ASIC2: variants seen among roughly 807,000 people sequenced by gnomAD.
ASIC2 encodes acid sensing ion channel subunit 2.
ASIC2 carries 25 observed loss-of-function variants against 57.3 expected under a neutral mutation model. The observed-to-expected ratio is 0.44, with a 90% CI of 0.32 to 0.61. The LOEUF (loss-of-function observed/expected upper bound fraction) is 0.61, where lower values mean the gene tolerates loss of function less well. Ranked by LOEUF, ASIC2 falls within the 20% of genes least tolerant of loss-of-function variation. ASIC2 has a pLI of 0.06. For missense variants in ASIC2, 641 were observed against 738.1 expected (o/e 0.87, Z 1.52); for synonymous variants, 319 against 307.5 (o/e 1.04, Z -0.39).
intron 1 of ASIC2, among the ~76,000 whole-genome samples, chr17:33,703,982 C>A (rs570101800): frequency 6.6e-6 from 1 of 152,278 alleles, no homozygotes; most frequent in East Asian, 1.9e-4. Context: ...CTTTCCCACT[C>A]GCTTTTCTAT....
chr17:33,260,289 T>C (rs774151117), intron 1 of ASIC2, among the ~76,000 whole-genome samples: 1 of 152,072 alleles, frequency 6.6e-6, no homozygotes, highest in Non-Finnish European at 1.5e-5. Flanking sequence ...CTCCAAATGC[T>C]CTCCAACCAC....
chr17:33,486,525 G>T (rs1430990349), intron 1 of ASIC2, among the ~76,000 whole-genome samples: 2 of 152,172 alleles, frequency 1.3e-5, no homozygotes, highest in Non-Finnish European at 2.9e-5. Context: ...TTACGGCCCT[G>T]GCTCCAATGG....
chr17:33,392,273 T>C (rs1308485813), intron 1 of ASIC2, among the ~76,000 whole-genome samples: 1 of 151,234 alleles, frequency 6.6e-6, no homozygotes, highest in Admixed American at 6.6e-5. Flanking sequence ...TTTCTTTCTT[T>C]TTTTTTTGAC....
intron 1 of ASIC2, among the ~76,000 whole-genome samples, chr17:33,781,429 C>T (rs897974623): frequency 3.3e-5 from 5 of 152,212 alleles, no homozygotes; most frequent in East Asian, 1.9e-4. Flanking sequence ...CTGGGGACAG[C>T]GCAGGATGAT....
chr17:33,763,400 C>T (rs1214729255), intron 1 of ASIC2, among the ~76,000 whole-genome samples: 1 of 152,214 alleles, frequency 6.6e-6, no homozygotes, highest in Non-Finnish European at 1.5e-5. Flanking sequence ...CTAGCCCTGA[C>T]CTTCAGGTCT....
chr17:34,051,891 C>A (rs1002603955), intron 1 of ASIC2, among the ~76,000 whole-genome samples: 1 of 126,956 alleles, frequency 7.9e-6, no homozygotes, highest in South Asian at 2.5e-4. Flanking sequence ...AGCGAGAGAG[C>A]GAGAGAGTGA....
intron 1 of ASIC2, among the ~76,000 whole-genome samples, chr17:33,771,136 G>A (rs939132508): frequency 2.0e-5 from 3 of 152,164 alleles, no homozygotes; most frequent in Non-Finnish European, 4.4e-5. Context: ...TATGGCAATT[G>A]TGGGGTACAA....
At chr17:33,303,347 C>T (rs769581350) in intron 1 of ASIC2, among the ~76,000 whole-genome samples, 4 of 152,246 alleles carry the variant, frequency 2.6e-5, no homozygotes, top group African/African-American at 4.8e-5. Context: ...TATGTTTTTC[C>T]GAGCTTGGGT....
rs60673332 is a variant in ASIC2 at position 33,712,636 on chromosome 17, C to CTTTTT, written c.555+443337_555+443341dup. ...TTTGCTTCCAAGCTTACTCATATGGCTTTTTTTTTTTTTTTTTTTTTTTTT... is the reference window on the plus strand; with the variant it reads ...TTTGCTTCCAAGCTTACTCATATGGCTTTTTTTTTTTTTTTTTTTTTTTTTTTTTT... On this transcript the variant is annotated intron_variant, in intron 1 of 9. Coordinates refer to the ASIC2 transcript ENST00000359872. Among the ~76,000 whole-genome samples the CTTTTT allele has an allele frequency of 3.9e-4, 25 of 63,592 alleles. 2 individuals are homozygous for CTTTTT. The highest frequency in any genetic ancestry group is 1.2e-3 in the African/African-American group (21 of 17,290). The allele number at this position is 63,592 out of a possible 152,430, so 41.7% of individuals were successfully genotyped here. A position where few individuals can be genotyped will look rare whatever the true frequency, so the allele number is the denominator to read the frequency against.
intron 1 of ASIC2, among the ~76,000 whole-genome samples, chr17:33,226,175 T>C (rs1963225688): frequency 6.6e-6 from 1 of 152,132 alleles, no homozygotes; most frequent in South Asian, 2.1e-4. Context: ...ACAAACCCAA[T>C]TGGTTTGTTA....
rs375695905 is a variant in ASIC2, at chr17:33,827,337, C to CTTTTTT, written c.555+328635_555+328640dup. On this transcript the variant is annotated intron_variant, in intron 1 of 9. Coordinates refer to the ASIC2 transcript ENST00000359872. ...GGACTAGGTCCTGTTGCAGCTCACTCTTTTTTTTTTTTGAGACAGAGTCTT... is the reference window on the plus strand; with the variant it reads ...GGACTAGGTCCTGTTGCAGCTCACTCTTTTTTTTTTTTTTTTTTGAGACAGAGTCTT... Among the ~76,000 whole-genome samples the CTTTTTT allele has an allele frequency of 5.0e-4, 38 of 76,534 alleles. 9 individuals are homozygous for CTTTTTT. The highest frequency in any genetic ancestry group is 7.6e-4 in the South Asian group (2 of 2,630). 50.2% of individuals were successfully genotyped at this position (76,534 alleles called of 152,430 possible). A position where few individuals can be genotyped will look rare whatever the true frequency, so the allele number is the denominator to read the frequency against.
chr17:34,032,603 GT>G (rs1173773686), intron 1 of ASIC2, among the ~76,000 whole-genome samples: 2 of 152,150 alleles, frequency 1.3e-5, no homozygotes, highest in African/African-American at 4.8e-5. Context: ...TCAGTGTGCT[GT>G]ATTCAGGAAA....
chr17:33,530,247 G>A (rs1165168358), intron 1 of ASIC2: 1 of 152,212 alleles, frequency 6.6e-6, no homozygotes, highest in South Asian at 2.1e-4. Flanking sequence ...TATTCTGTGT[G>A]TTGGGTCAAT....
intron 1 of ASIC2, chr17:34,002,241 G>A (rs1435947764): frequency 6.6e-6 from 1 of 152,160 alleles, no homozygotes; most frequent in Non-Finnish European, 1.5e-5. Context: ...GCCAACAGAG[G>A]GAACTATAAG....
chr17:34,140,712 C>T (rs1196542417), intron 1 of ASIC2, among the ~76,000 whole-genome samples: 1 of 151,820 alleles, frequency 6.6e-6, no homozygotes, highest in Non-Finnish European at 1.5e-5. Context: ...CAGACTGTAA[C>T]CTATTGAATA....
rs945144441 is a variant in ASIC2, at chr17:33,369,063, T to C, written c.556-256996A>G. ...AAGGCCCTCTGCTTCCCTATGAAGA[T>C]TATCCTTGGTGGTGAATAAAACAAT... is the stretch of plus-strand genomic sequence containing the variant. On this transcript the variant is annotated intron_variant, in intron 1 of 9. Coordinates refer to the ASIC2 transcript ENST00000359872. Among the ~76,000 whole-genome samples the C allele has an allele frequency of 2.0e-5, 3 of 152,192 alleles. No individual in the cohort carries two copies. The South Asian group carries it at 6.2e-4, about 32-fold the overall frequency.
At chr17:33,491,284 A>G (rs4527066) in intron 1 of ASIC2, among the ~76,000 whole-genome samples, 149,902 of 152,274 alleles carry the variant, frequency 0.98, 73,850 homozygotes, top group Middle Eastern at 1. Context: ...ATGCATCACA[A>G]GATTCCTCCC....
At chr17:33,963,161 C>G (rs1211501543) in intron 1 of ASIC2, among the ~76,000 whole-genome samples, 1 of 152,196 alleles carries the variant, frequency 6.6e-6, no homozygotes, top group Non-Finnish European at 1.5e-5. Flanking sequence ...AGTCAGGCTT[C>G]CAACCTGGAC....
rs563788252 is a variant in ASIC2 at position 33,292,415 on chromosome 17, C to A, written c.-300G>T. On this transcript the variant is annotated 5_prime_UTR_variant, in exon 1 of 10. Coordinates refer to ENST00000225823, the MANE Select transcript of ASIC2 (RefSeq NM_183377.2). The stretch of plus-strand genomic sequence containing the variant: ...GGTCTTCCTGGAGGATGCCCGGCGC[C>A]CGGCACTACTTCTGGAGGGGTCCCA... 755 of 985,716 alleles carry A rather than the reference C, an allele frequency of 7.7e-4. 3 individuals carry two copies. Among genetic ancestry groups the A allele is most frequent in the South Asian group, 7.3e-3 (156 of 21,290 alleles). The allele number at this position is 985,716 out of a possible 1,614,324, so 61.1% of individuals were successfully genotyped here. A position where few individuals can be genotyped will look rare whatever the true frequency, so the allele number is the denominator to read the frequency against.
Sources: gnomAD v4.1 joint callset for allele counts (sites outside exome capture counted in the v4.1 genomes callset) on GRCh38, gnomAD v4.1.1 for gene constraint, MANE v1.5 for transcripts, NCBI Gene and HGNC (gene_info 2026-07-23, HGNC 2026-07-21) for gene names.